AIMP1: variants seen among roughly 807,000 people sequenced by gnomAD.
The protein encoded by AIMP1 is aminoacyl tRNA synthase complex-interacting multifunctional protein 1.
In AIMP1, 24 loss-of-function variants were observed where a neutral mutation model predicts 33.1. That is an observed-to-expected ratio of 0.73 (90% CI 0.53 to 1.02). AIMP1 has a LOEUF of 1.02. Ranked by LOEUF, AIMP1 falls within the 50% of genes least tolerant of loss-of-function variation. The pLI, the probability that AIMP1 is intolerant of heterozygous loss-of-function variation, is 0.00. For synonymous variants in AIMP1, 120 were observed against 121.5 expected (o/e 0.99, Z 0.08); for missense variants, 367 against 364.8 (o/e 1.01, Z -0.05).
At chr4:106,316,076 A>G (rs1768814811), upstream of AIMP1, 1 of 153,862 alleles carries the variant, frequency 6.5e-6, no homozygotes, top group African/African-American at 2.4e-5. Flanking sequence ...AAAAGAGGCC[A>G]CTCCTGGAAC....
chr4:106,341,542 TAG>T (rs35069410), intron 6 of AIMP1, among the ~76,000 whole-genome samples: 1 of 152,068 alleles, frequency 6.6e-6, no homozygotes, highest in Non-Finnish European at 1.5e-5. Flanking sequence ...ATTTATTGAA[TAG>T]AGAGTTTTTT....
intron 5 of AIMP1, among the ~76,000 whole-genome samples, chr4:106,335,921 A>C (rs1769855915): frequency 6.6e-6 from 1 of 151,620 alleles, no homozygotes; most frequent in African/African-American, 2.4e-5. Flanking sequence ...AAATTAAGAC[A>C]CTTCAAATAT....
intron 1 of AIMP1, among the ~76,000 whole-genome samples, chr4:106,317,775 A>C (rs1769021118): frequency 6.6e-6 from 1 of 152,176 alleles, no homozygotes; most frequent in Non-Finnish European, 1.5e-5. Flanking sequence ...TAAGTCATGT[A>C]ATTTTCCTGG....
chr4:106,324,682 C>T (rs542757356), intron 1 of AIMP1, among the ~76,000 whole-genome samples: 59 of 152,068 alleles, frequency 3.9e-4, no homozygotes, highest in Non-Finnish European at 4.4e-4. Context: ...TATTGTTATT[C>T]TTATCTCTTA....
At chr4:106,332,493 A>T (rs1769718607) in intron 5 of AIMP1, among the ~76,000 whole-genome samples, 1 of 151,372 alleles carries the variant, frequency 6.6e-6, no homozygotes, top group African/African-American at 2.4e-5. Context: ...TAATAGATAA[A>T]TTTTTTTCAC....
chr4:106,329,786 T>C (rs1769603097), intron 4 of AIMP1, among the ~76,000 whole-genome samples: 1 of 127,474 alleles, frequency 7.8e-6, no homozygotes, highest in Non-Finnish European at 1.6e-5. Context: ...TTTTTTTTTT[T>C]TTTTTTTTTT....
At chr4:106,341,566 G>T (rs1770100851) in intron 6 of AIMP1, among the ~76,000 whole-genome samples, 1 of 151,978 alleles carries the variant, frequency 6.6e-6, no homozygotes, top group Non-Finnish European at 1.5e-5. Context: ...CCCATTGCTT[G>T]TTTTGTTGAC....
chr4:106,323,118 T>C (rs764799990), intron 1 of AIMP1, among the ~76,000 whole-genome samples: 4 of 152,230 alleles, frequency 2.6e-5, no homozygotes, highest in Non-Finnish European at 4.4e-5. Context: ...CCTAAACTTA[T>C]GCTTGTTCTT....
At position 106,327,566 on chromosome 4, in the gene AIMP1, T is replaced by C; in HGVS notation, c.223+2T>C. 1 of 1,599,498 alleles carries C rather than the reference T, an allele frequency of 6.3e-7. No individual in the cohort carries two copies. Among genetic ancestry groups the C allele is most frequent in the Non-Finnish European group, 8.6e-7 (1 of 1,168,154 alleles). On this transcript the variant is annotated splice_donor_variant, in intron 3 of 6. Transcript: ENST00000672341. LOFTEE classifies it high-confidence loss of function. ...TTCAGGCAGAAATTCAAAATGGAGG[T>C]AATTAAATATAGAAAATTTGAGTAA...
rs1184895155 is a variant in AIMP1 at position 106,336,912 on chromosome 4, C to T, written c.647C>T (p.Ala216Val). 6.2e-7 allele frequency: 1 copy of T among 1,613,978 alleles called. No individual in the cohort carries two copies. The highest frequency in any genetic ancestry group is 2.2e-5 in the East Asian group (1 of 44,844). Reference sequence around the variant, plus strand: ...ATTTTACTTTGTAACCTGAAACCTGCAAAGATGAGGGGAGTATTATCTCAA... The same window carrying T: ...ATTTTACTTTGTAACCTGAAACCTGTAAAGATGAGGGGAGTATTATCTCAA... Reference protein sequence around the residue: ...MVILLCNLKPAKMRGVLSQAM... With the variant: ...MVILLCNLKPVKMRGVLSQAM... The change falls in exon 6 of 7, where the codon GCA becomes GTA. Residue 216 changes from alanine to valine, a missense_variant. Physicochemically the swap from Ala to Val is moderately conservative, Grantham distance 64 (BLOSUM62 0). Transcript: ENST00000672341.
Position 106,331,792 on chromosome 4 carries a change from C to G in AIMP1, c.512C>G (p.Ala171Gly). 6.2e-7 allele frequency: 1 copy of G among 1,614,102 alleles called. No homozygotes were observed. The highest frequency in any genetic ancestry group is 8.5e-7 in the Non-Finnish European group (1 of 1,180,000). The change falls in exon 5 of 7, where the codon GCA (alanine) becomes GGA (glycine). Residue 171 changes from alanine (A) to glycine (G), a missense_variant. By Grantham distance (60) the Ala-to-Gly change is moderately conservative. Transcript: ENST00000672341. Reference protein sequence around the residue: ...CIITARKHPDADSLYVEEVDV... With the variant: ...CIITARKHPDGDSLYVEEVDV... Reference sequence around the variant, plus strand: ...ATAACTGCTAGAAAACACCCTGATGCAGATTCTTTGTATGTGGAAGAAGTA... The same window carrying G: ...ATAACTGCTAGAAAACACCCTGATGGAGATTCTTTGTATGTGGAAGAAGTA...
chr4:106,338,889 G>A (rs1245799851), intron 6 of AIMP1, among the ~76,000 whole-genome samples: 1 of 152,232 alleles, frequency 6.6e-6, no homozygotes, highest in Non-Finnish European at 1.5e-5. Context: ...GCCCAAGGCT[G>A]TGGGAGCCCA....
Position 106,347,538 on chromosome 4 carries a change from AGG to A in AIMP1, c.786_787del (p.Glu263AlafsTer4), listed in dbSNP as rs1204310019. 6 of 1,612,968 alleles carry A rather than the reference AGG, an allele frequency of 3.7e-6. No individual in the cohort carries two copies. Among genetic ancestry groups the A allele is most frequent in the Non-Finnish European group, 5.1e-6 (6 of 1,179,446 alleles). On this transcript the variant is annotated frameshift_variant, in exon 7 of 7. Transcript: ENST00000672341. LOFTEE classifies it high-confidence loss of function. ...TTCTCCTACACAGGAGAGCCTGACA[AGG>A]AGCTGAATCCTAAGAAGAAGATTTG...
chr4:106,333,254 G>T (rs952693687), intron 5 of AIMP1, among the ~76,000 whole-genome samples: 1 of 152,078 alleles, frequency 6.6e-6, no homozygotes, highest in Non-Finnish European at 1.5e-5. Context: ...AAACAAGGGT[G>T]TTACTTGTTT....
chr4:106,340,175 A>G (rs1218109002), intron 6 of AIMP1, among the ~76,000 whole-genome samples: 1 of 152,218 alleles, frequency 6.6e-6, no homozygotes, highest in Non-Finnish European at 1.5e-5. Context: ...AGAATTAGGT[A>G]AAAGAACAAT....
At position 106,334,764 on chromosome 4, in the gene AIMP1, T is replaced by A. The variant is rs746252227; in HGVS notation, c.604-2105T>A. On this transcript the variant is annotated intron_variant, in intron 5 of 6. Coordinates refer to ENST00000672341, the MANE Select transcript of AIMP1 (RefSeq NM_001142416.2). ...TTATATAAAGTGCCCAGGGAAGACC[T>A]CAAAAAGAAAGTGACATTTGAGTAA... Among the ~76,000 whole-genome samples the A allele has an allele frequency of 3.0e-4, 46 of 152,180 alleles. 1 individual carries two copies. The highest frequency in any genetic ancestry group is 2.5e-3 in the South Asian group (12 of 4,814).
At position 106,347,850 on chromosome 4, in the gene AIMP1, G is replaced by A. The variant is rs1300149114; in HGVS notation, c.*158G>A. On this transcript the variant is annotated 3_prime_UTR_variant, in exon 7 of 7. Coordinates refer to ENST00000672341, the MANE Select transcript of AIMP1 (RefSeq NM_001142416.2). ...TTGGTATATATTGTTTTCATTGATT[G>A]GGGAAACACTAGATTTTTACCTCGG... The A allele has an allele frequency of 1.5e-6, 1 of 676,074 alleles. No individual in the cohort carries two copies. Among genetic ancestry groups the A allele is most frequent in the Admixed American group, 3.5e-5 (1 of 28,580 alleles). The allele number at this position is 676,074 out of a possible 1,614,324, so 41.9% of individuals were successfully genotyped here.
chr4:106,343,925 A>G (rs1453513709), intron 6 of AIMP1, among the ~76,000 whole-genome samples: 1 of 152,218 alleles, frequency 6.6e-6, no homozygotes, highest in Non-Finnish European at 1.5e-5. Context: ...TTAAAAGTCC[A>G]TTTATTAAAA....
In AIMP1 at chr4:106,331,849, T is replaced by C; in HGVS notation, c.569T>C (p.Val190Ala). 6.2e-7 allele frequency: 1 copy of C among 1,614,116 alleles called. No individual in the cohort carries two copies. Among genetic ancestry groups the C allele is most frequent in the East Asian group, 2.2e-5 (1 of 44,868 alleles). Residue 190 changes from valine to alanine, a missense_variant, in exon 5 of 7, where the codon GTC becomes GCC. Coordinates refer to ENST00000672341, the MANE Select transcript of AIMP1 (RefSeq NM_001142416.2). ...GGAGAAATAGCCCCAAGGACAGTTG[T>C]CAGTGGCCTGGTGAATCATGTTCCT... The part of the protein sequence containing the change: ...DVGEIAPRTV[V>A]SGLVNHVPLE...
Sources: gnomAD v4.1 joint callset for allele counts (sites outside exome capture counted in the v4.1 genomes callset) on GRCh38, gnomAD v4.1.1 for gene constraint, MANE v1.5 for transcripts, NCBI Gene and HGNC (gene_info 2026-07-23, HGNC 2026-07-21) for gene names.